The following ARHGAP44 variants were observed in gnomAD, a reference collection of about 807,000 sequenced individuals.
ARHGAP44 encodes rho GTPase-activating protein 44.
In ARHGAP44, 43 loss-of-function variants were observed where a neutral mutation model predicts 106.8. The observed-to-expected ratio is 0.40, with a 90% confidence interval of 0.32 to 0.52. The LOEUF (loss-of-function observed/expected upper bound fraction) is 0.52. Ranked by LOEUF, ARHGAP44 falls within the 20% of genes least tolerant of loss-of-function variation. The probability of loss-of-function intolerance (pLI) is 0.48; values close to 1 mark genes in which losing one functional copy is unlikely to be tolerated. For missense variants in ARHGAP44, 866 were observed against 1,050.5 expected (o/e 0.82, Z 2.43); for synonymous variants, 439 against 410.3 (o/e 1.07, Z -0.85).
intron 7 of ARHGAP44, among the ~76,000 whole-genome samples, chr17:12,932,917 GC>G (rs1403666927): frequency 6.6e-6 from 1 of 152,036 alleles, no homozygotes; most frequent in Non-Finnish European, 1.5e-5. Context: ...CAGTAAGGTA[GC>G]CCCCACTCCT....
chr17:12,916,160 G>A, intron 5 of ARHGAP44, 149 bp downstream of exon 5: 1 of 654,740 alleles, frequency 1.5e-6, no homozygotes, highest in Non-Finnish European at 2.6e-6. Context: ...TAACCACATG[G>A]TCAAGATTCC....
Position 12,908,886 on chromosome 17 carries a change from T to C in ARHGAP44, c.199-11T>C. On this transcript the variant is annotated splice_polypyrimidine_tract_variant and intron_variant, in intron 3 of 20. Coordinates refer to ENST00000379672, the MANE Select transcript of ARHGAP44 (RefSeq NM_014859.6). ...AAGTAGCTTTCATTACAGCATTTGCTTTCTTTTCAGAAAAAGTTGCCTTTG... is the reference window on the plus strand; with the variant it reads ...AAGTAGCTTTCATTACAGCATTTGCCTTCTTTTCAGAAAAAGTTGCCTTTG... 1.2e-6 allele frequency: 2 copies of C among 1,601,128 alleles called. No homozygotes were observed. Among genetic ancestry groups the C allele is most frequent in the Non-Finnish European group, 1.7e-6 (2 of 1,175,940 alleles).
In ARHGAP44 at chr17:12,861,644, C is replaced by CTTTTTTTTTTTTT. The variant is rs71144930; in HGVS notation, c.54-33294_54-33282dup. Among the ~76,000 whole-genome samples the CTTTTTTTTTTTTT allele has an allele frequency of 7.5e-4, 51 of 67,726 alleles. 4 individuals are homozygous for CTTTTTTTTTTTTT. The highest frequency in any genetic ancestry group is 1.3e-3 in the South Asian group (2 of 1,532). The allele number at this position is 67,726 out of a possible 152,430, so 44.4% of individuals were successfully genotyped here. On this transcript the variant is annotated intron_variant, in intron 1 of 20. Coordinates refer to ENST00000379672, the MANE Select transcript of ARHGAP44 (RefSeq NM_014859.6). ...AATTCCTCTTCTGCCTCCTCTTCCA[C>CTTTTTTTTTTTTT]TTTTTTTTTTTTTTGAGATGGAATC... is the stretch of plus-strand genomic sequence containing the variant.
At chr17:12,941,430 G>A (rs186142114) in intron 8 of ARHGAP44, among the ~76,000 whole-genome samples, 1 of 152,284 alleles carries the variant, frequency 6.6e-6, no homozygotes, top group Admixed American at 6.5e-5. Context: ...TGTCACAGTT[G>A]TGGAGGGAGG....
intron 7 of ARHGAP44, among the ~76,000 whole-genome samples, chr17:12,936,956 G>A (rs373628942): frequency 7.9e-5 from 12 of 152,096 alleles, no homozygotes; most frequent in African/African-American, 2.4e-4. Context: ...GCTGAAAGGC[G>A]GACATGATGT....
chr17:12,956,475 G>A (rs900972014), intron 14 of ARHGAP44, among the ~76,000 whole-genome samples, 180 bp from the exon 15 acceptor site: 1 of 152,148 alleles, frequency 6.6e-6, no homozygotes, highest in Admixed American at 6.5e-5. Flanking sequence ...TCTGCAGATG[G>A]AAAAAGAGAA....
At chr17:12,971,805 A>C (rs1478991396) in intron 16 of ARHGAP44, among the ~76,000 whole-genome samples, 1 of 152,110 alleles carries the variant, frequency 6.6e-6, no homozygotes, top group Non-Finnish European at 1.5e-5. Context: ...CATCCAGCGG[A>C]GATGAGAAAT....
intron 1 of ARHGAP44, chr17:12,790,767 G>T (rs2150746999): frequency 6.6e-6 from 1 of 152,290 alleles, no homozygotes; most frequent in South Asian, 2.1e-4. Flanking sequence ...ATCCTGGTGG[G>T]TCGCTCCCAA....
intron 1 of ARHGAP44, among the ~76,000 whole-genome samples, chr17:12,824,789 C>T (rs2150802169): frequency 6.6e-6 from 1 of 151,926 alleles, no homozygotes; most frequent in Non-Finnish European, 1.5e-5. Context: ...GTACGTCCTT[C>T]CTTTTGCTTC....
chr17:12,837,608 T>C (rs2035274379), intron 1 of ARHGAP44, among the ~76,000 whole-genome samples: 1 of 151,854 alleles, frequency 6.6e-6, no homozygotes, highest in African/African-American at 2.4e-5. Context: ...ATGTTGTTTT[T>C]TTTTTTTTAA....
At chr17:12,924,905 C>G (rs916187455) in intron 6 of ARHGAP44, among the ~76,000 whole-genome samples, 7 of 152,142 alleles carry the variant, frequency 4.6e-5, no homozygotes, top group African/African-American at 1.7e-4. Flanking sequence ...GTTATGGAAG[C>G]CCTACCTTCT....
rs747275037 is a variant in ARHGAP44, at chr17:12,928,981, G to A, written c.517G>A (p.Gly173Ser). 1.9e-6 allele frequency: 3 copies of A among 1,613,510 alleles called. No homozygotes were observed. In the African/African-American group the frequency reaches 4.0e-5, roughly 22 times the overall value. The change falls in exon 7 of 21, where the codon GGT becomes AGT. Residue 173 changes from glycine (G) to serine (S), a missense_variant. This residue lies in a region of ARHGAP44 where 448 missense variants were observed against 646.9 expected (regional missense o/e 0.69). Coordinates refer to ENST00000379672, the MANE Select transcript of ARHGAP44 (RefSeq NM_014859.6). ...TTTGTCCAGCAGCTTACAGCCTGCG[G>A]GTGCCAAGGCTGATGCCCTCAGGGA... ...SGLSSSLQPA[G>S]AKADALREEM...
At chr17:12,810,720 TC>T (rs1255585979) in intron 1 of ARHGAP44, among the ~76,000 whole-genome samples, 2 of 152,142 alleles carry the variant, frequency 1.3e-5, no homozygotes, top group African/African-American at 4.8e-5. Context: ...CCACGAGGAA[TC>T]CCCTGCTCTC....
intron 6 of ARHGAP44, 47 bp from the exon 7 acceptor site, chr17:12,928,882 C>T (rs2038322114): frequency 1.3e-6 from 2 of 1,520,986 alleles, no homozygotes; most frequent in Non-Finnish European, 1.8e-6. Context: ...ATGGGATCCC[C>T]AGGGCTCTAC....
intron 1 of ARHGAP44, among the ~76,000 whole-genome samples, chr17:12,818,554 A>G (rs961077313): frequency 6.6e-6 from 1 of 152,084 alleles, no homozygotes; most frequent in Non-Finnish European, 1.5e-5. Flanking sequence ...CTATTTGTAG[A>G]CGATGTGATC....
At chr17:12,888,442 C>T (rs556220751) in intron 1 of ARHGAP44, among the ~76,000 whole-genome samples, 3 of 152,182 alleles carry the variant, frequency 2.0e-5, no homozygotes, top group South Asian at 2.1e-4. Context: ...ATTGTGGTCA[C>T]GGAACAAACT....
chr17:12,877,836 C>G (rs1419032960), intron 1 of ARHGAP44, among the ~76,000 whole-genome samples: 1 of 152,178 alleles, frequency 6.6e-6, no homozygotes, highest in Non-Finnish European at 1.5e-5. Flanking sequence ...TTAAGTGCAG[C>G]CTTGCTGCTT....
chr17:12,807,444 T>C (rs2034307814), intron 1 of ARHGAP44, among the ~76,000 whole-genome samples: 1 of 152,186 alleles, frequency 6.6e-6, no homozygotes, highest in African/African-American at 2.4e-5. Flanking sequence ...AGAGATTTAA[T>C]TGACTCACAG....
intron 1 of ARHGAP44, among the ~76,000 whole-genome samples, chr17:12,854,713 C>T (rs1010190608): frequency 2.6e-5 from 4 of 152,088 alleles, no homozygotes; most frequent in Non-Finnish European, 4.4e-5. Context: ...AATCCCAGCA[C>T]TTTGGAAGGC....
Sources: allele counts gnomAD v4.1 joint callset (sites outside exome capture counted in the v4.1 genomes callset), GRCh38; gene constraint gnomAD v4.1.1; regional missense constraint gnomAD v4.1.1; transcripts MANE v1.5; gene names NCBI Gene and HGNC (gene_info 2026-07-23, HGNC 2026-07-21).